The following RSBN1 variants were observed in gnomAD, a reference collection of about 807,000 sequenced individuals.
RSBN1 encodes lysine-specific demethylase 9.
A neutral mutation model predicts 74.8 loss-of-function variants in RSBN1; 23 were observed. The observed-to-expected ratio is 0.31, with a 90% CI of 0.22 to 0.44. The LOEUF (loss-of-function observed/expected upper bound fraction) is 0.44. Among genes scored for constraint, RSBN1 ranks in the 20% least tolerant of loss-of-function variants. The pLI is 1.00. For synonymous variants in RSBN1, 407 were observed against 379.6 expected, an observed-to-expected ratio of 1.07 and a Z score of -0.84; for missense variants, 808 against 1,020.9, an observed-to-expected ratio of 0.79 and a Z score of 2.84.
intron 1 of RSBN1, 57 bp downstream of exon 1, chr1:113,811,653 G>C: frequency 6.6e-7 from 1 of 1,518,034 alleles, no homozygotes. Flanking sequence ...TAAAGATGCG[G>C]GATATCGGAA....
chr1:113,806,377 T>C (rs1350873539), intron 1 of RSBN1, among the ~76,000 whole-genome samples: 1 of 152,012 alleles, frequency 6.6e-6, no homozygotes, highest in Non-Finnish European at 1.5e-5. Flanking sequence ...TTGTACTGAT[T>C]TTTGAAAAAA....
chr1:113,786,388 G>C (rs1660243756), intron 2 of RSBN1, among the ~76,000 whole-genome samples: 1 of 152,134 alleles, frequency 6.6e-6, no homozygotes, highest in South Asian at 2.1e-4. Context: ...TGGCAAAATG[G>C]ACTCTGCAGA....
chr1:113,796,036 T>C (rs952140719), intron 2 of RSBN1: 4 of 152,146 alleles, frequency 2.6e-5, no homozygotes, highest in Admixed American at 6.5e-5. Context: ...AGGGAACTTA[T>C]GGGGATTATG....
At chr1:113,790,461 G>A (rs1660342339) in intron 2 of RSBN1, among the ~76,000 whole-genome samples, 1 of 152,116 alleles carries the variant, frequency 6.6e-6, no homozygotes, top group Non-Finnish European at 1.5e-5. Flanking sequence ...GGAGGAGATA[G>A]AATATCTTCT....
At chr1:113,777,189 T>C (rs1456645843) in intron 4 of RSBN1, 21 bp downstream of exon 4, 2 of 1,597,116 alleles carry the variant, frequency 1.3e-6, no homozygotes, top group African/African-American at 1.3e-5. Flanking sequence ...TTTTGCTTAT[T>C]TGAGAAAAAG....
intron 2 of RSBN1, among the ~76,000 whole-genome samples, chr1:113,789,968 G>A (rs1356742968): frequency 2.0e-5 from 3 of 152,098 alleles, no homozygotes; most frequent in Non-Finnish European, 2.9e-5. Flanking sequence ...AAAATACAAA[G>A]GTACAAGTAT....
At chr1:113,810,024 T>C (rs961216438) in intron 1 of RSBN1, among the ~76,000 whole-genome samples, 3 of 152,178 alleles carry the variant, frequency 2.0e-5, no homozygotes, top group African/African-American at 7.2e-5. Flanking sequence ...ACACATGTTA[T>C]TGCCACTATC....
chr1:113,768,345 C>T lies in RSBN1; in HGVS notation c.1703G>A (p.Ser568Asn), dbSNP rs1317674268. 3 of 1,612,124 alleles carry T rather than the reference C, an allele frequency of 1.9e-6. No individual in the cohort carries two copies. The highest frequency in any genetic ancestry group is 2.5e-6 in the Non-Finnish European group (3 of 1,178,768). The change falls in exon 5 of 7, where the codon AGT becomes AAT. Residue 568 changes from serine (S) to asparagine (N), a missense_variant. Physicochemically the swap from Ser to Asn is conservative, Grantham distance 46. Around this residue, in one of 6 missense-constraint regions of RSBN1, gnomAD observed 112 missense variants for 257.3 expected, o/e 0.44. Transcript: ENST00000261441. ...IKNLQYLPRT[S>N]EPREVLFEDR... ...TTCAAAGAGAACTTCGCGGGGTTCA[C>T]TGGTCCGAGGTAGGTACTGGAGATT...
chr1:113,809,524 G>A (rs140967600), intron 1 of RSBN1, among the ~76,000 whole-genome samples: 3 of 152,272 alleles, frequency 2.0e-5, no homozygotes, highest in South Asian at 2.1e-4. Flanking sequence ...TTTCTGTAGG[G>A]TTTTCAAAAC....
At chr1:113,787,353 A>G (rs1660265450) in intron 2 of RSBN1, among the ~76,000 whole-genome samples, 1 of 152,266 alleles carries the variant, frequency 6.6e-6, no homozygotes, top group Non-Finnish European at 1.5e-5. Context: ...TAAAAACTAC[A>G]GATACAAGCT....
At chr1:113,807,206 C>T (rs765026347) in intron 1 of RSBN1, among the ~76,000 whole-genome samples, 3 of 150,924 alleles carry the variant, frequency 2.0e-5, no homozygotes, top group East Asian at 2.0e-4. Context: ...CACAGCTACT[C>T]GGGAGGCTGA....
In RSBN1 at chr1:113,812,102, C is replaced by T. The variant is rs1159121213; in HGVS notation, c.311G>A (p.Ser104Asn). ...GGSQEKRGRP[S>N]QEPPLAPPHR... ...AGGGGGAGCGAGAGGGGGCTCCTGG[C>T]TCGGCCGCCCCCGCTTCTCCTGAGA... The change falls in exon 1 of 7, where the codon AGC (serine) becomes AAC (asparagine). Residue 104 changes from serine (S) to asparagine (N), a missense_variant. Coordinates refer to ENST00000261441, the MANE Select transcript of RSBN1 (RefSeq NM_018364.5). 1.3e-6 allele frequency: 2 copies of T among 1,598,230 alleles called. No individual in the cohort carries two copies. Among genetic ancestry groups the T allele is most frequent in the East Asian group, 2.2e-5 (1 of 44,584 alleles).
intron 2 of RSBN1, among the ~76,000 whole-genome samples, chr1:113,789,668 T>A (rs1370526286): frequency 6.6e-6 from 1 of 152,070 alleles, no homozygotes; most frequent in Non-Finnish European, 1.5e-5. Flanking sequence ...CTGGGTAGTG[T>A]CGGAATTGAA....
At chr1:113,783,519 TA>T (rs1660177429) in intron 2 of RSBN1, among the ~76,000 whole-genome samples, 3 of 151,738 alleles carry the variant, frequency 2.0e-5, no homozygotes, top group Admixed American at 6.6e-5. Flanking sequence ...TGTAGGAAAC[TA>T]ATGCCAAACA....
rs766045216 is a variant in RSBN1 at position 113,812,443 on chromosome 1, G to A, written c.-31C>T. ...AAGCGGCCGTTCCCAGCTTTTCTCC[G>A]CAGGCCTCTCCAACCGAGCTTCTAT... On this transcript the variant is annotated 5_prime_UTR_variant, in exon 1 of 7. Coordinates refer to ENST00000261441, the MANE Select transcript of RSBN1 (RefSeq NM_018364.5). The A allele has an allele frequency of 2.6e-6, 4 of 1,553,800 alleles. No homozygotes were observed. The South Asian group carries it at 3.5e-5, about 13-fold the overall frequency.
At chr1:113,774,462 C>A (rs1315691170) in intron 4 of RSBN1, among the ~76,000 whole-genome samples, 1 of 151,694 alleles carries the variant, frequency 6.6e-6, no homozygotes, top group Non-Finnish European at 1.5e-5. Flanking sequence ...ATCACGAGGT[C>A]AGGAGATCGA....
intron 2 of RSBN1, among the ~76,000 whole-genome samples, chr1:113,785,491 TTGAC>T (rs1320625797): frequency 6.6e-6 from 1 of 152,220 alleles, no homozygotes; most frequent in Admixed American, 6.5e-5. Flanking sequence ...CAGTCTGTCA[TTGAC>T]TGAAACGTCA....
Position 113,777,789 on chromosome 1 carries a change from C to G in RSBN1, c.1397G>C (p.Cys466Ser). The G allele has an allele frequency of 3.1e-6, 5 of 1,600,848 alleles. No individual in the cohort carries two copies. Among genetic ancestry groups the G allele is most frequent in the Middle Eastern group, 1.7e-4 (1 of 6,000 alleles). Residue 466 changes from cysteine to serine, a missense_variant, in exon 3 of 7, where the codon TGT becomes TCT. By Grantham distance (112) the Cys-to-Ser change is moderately radical (BLOSUM62 -1). Around this residue, in one of 6 missense-constraint regions of RSBN1, gnomAD observed 112 missense variants for 257.3 expected, o/e 0.44. Transcript: ENST00000261441. ...FHTQVNRTYC[C>S]GTYRAGPMRQ... is the part of the protein sequence containing the mutation. ...CATAGGACCTGCTCGGTAGGTGCCA[C>G]AGCAGTATGTCCTGTTGACCTAAGA... is the stretch of plus-strand genomic sequence containing the variant.
chr1:113,773,813 G>A (rs1156539839), intron 4 of RSBN1, among the ~76,000 whole-genome samples: 1 of 152,072 alleles, frequency 6.6e-6, no homozygotes, highest in Non-Finnish European at 1.5e-5. Flanking sequence ...GACCATCCTA[G>A]CCAACATGGT....
Sources: allele counts gnomAD v4.1 joint callset (sites outside exome capture counted in the v4.1 genomes callset), GRCh38; gene constraint gnomAD v4.1.1; regional missense constraint gnomAD v4.1.1; transcripts MANE v1.5; gene names NCBI Gene and HGNC (gene_info 2026-07-23, HGNC 2026-07-21).